Variants in AFDN observed in about 807,000 individuals in gnomAD.
AFDN encodes afadin, adherens junction formation factor.
AFDN carries 68 observed loss-of-function variants against 216.6 expected under a neutral mutation model. The observed-to-expected ratio is 0.31, with a 90% CI of 0.26 to 0.38. AFDN has a LOEUF of 0.38. AFDN is among the 10% of genes least tolerant of loss of function. AFDN has a pLI of 1.00. For synonymous variants in AFDN, 868 were observed against 853.7 expected (o/e 1.02, Z -0.29); for missense variants, 2,136 against 2,342.0 (o/e 0.91, Z 1.82).
At chr6:167,903,020 AC>A (rs1789187033) in intron 12 of AFDN, among the ~76,000 whole-genome samples, 1 of 152,142 alleles carries the variant, frequency 6.6e-6, no homozygotes, top group Admixed American at 6.5e-5. Context: ...CAGTCAGAGT[AC>A]CCTTAATACA....
chr6:167,903,773 CTA>C (rs1287358672), intron 12 of AFDN, among the ~76,000 whole-genome samples: 4 of 152,204 alleles, frequency 2.6e-5, no homozygotes, highest in Admixed American at 2.6e-4. Context: ...CTTCCAAACT[CTA>C]TGTTCTTTCC....
intron 23 of AFDN, 123 bp downstream of exon 23, chr6:167,925,214 T>C (rs1792357507): frequency 1.4e-6 from 1 of 695,084 alleles, no homozygotes; most frequent in Admixed American, 2.3e-5. Flanking sequence ...TTCAGTTCTG[T>C]TTCTGCGTAG....
intron 12 of AFDN, among the ~76,000 whole-genome samples, chr6:167,906,670 T>C (rs1789729925): frequency 1.3e-5 from 2 of 152,190 alleles, no homozygotes. Context: ...TAATATGTGT[T>C]TTCCCCGGTG....
chr6:167,917,267 G>A, intron 20 of AFDN, 35 bp downstream of exon 20: 4 of 1,456,812 alleles, frequency 2.7e-6, no homozygotes, highest in Non-Finnish European at 3.6e-6. Flanking sequence ...ACACAGTGCG[G>A]GACATGTTTG....
intron 1 of AFDN, among the ~76,000 whole-genome samples, chr6:167,859,806 A>G (rs1783337127): frequency 6.8e-6 from 1 of 147,874 alleles, no homozygotes; most frequent in African/African-American, 2.5e-5. Flanking sequence ...GTTTTGGATC[A>G]TTGTATTCTT....
At position 167,966,007 on chromosome 6, in the gene AFDN, A is replaced by G; in HGVS notation, c.5219A>G (p.Tyr1740Cys). The G allele has an allele frequency of 6.5e-7, 1 of 1,550,232 alleles. No individual in the cohort carries two copies. The highest frequency in any genetic ancestry group is 8.7e-7 in the Non-Finnish European group (1 of 1,146,984). ...CTGTTCACTGCCAAGTTTGTTGCAT[A>G]CAATGAGGAGGAGGAGGAGGAGGAC... ...DSLFTAKFVA[Y>C]NEEEEEEDCS... The change falls in exon 32 of 34, where the codon TAC (tyrosine) becomes TGC (cysteine). Residue 1740 changes from tyrosine (Y) to cysteine (C), a missense_variant. Physicochemically the swap from Tyr to Cys is radical, Grantham distance 194. Transcript: ENST00000683244.
chr6:167,917,256 C>T, intron 20 of AFDN, 24 bp downstream of exon 20: 1 of 1,566,220 alleles, frequency 6.4e-7, no homozygotes. Context: ...GCCACATTAC[C>T]ACACAGTGCG....
At chr6:167,949,454 CAGAAA>C (rs1171143110) in intron 29 of AFDN, among the ~76,000 whole-genome samples, 3 of 152,134 alleles carry the variant, frequency 2.0e-5, no homozygotes, top group Non-Finnish European at 2.9e-5. Context: ...TTTCTGACGG[CAGAAA>C]ATGCTCCTCA....
Position 167,827,226 on chromosome 6 carries a change from C to A in AFDN, c.94C>A (p.Gln32Lys). ...ANRLDLFEIS[Q>K]PTEDLEFHGV... ...CCGGCTGGACCTGTTCGAGATCAGCCAGCCGACCGAGGTGAGCACCGCCGG... is the reference window on the plus strand; with the variant it reads ...CCGGCTGGACCTGTTCGAGATCAGCAAGCCGACCGAGGTGAGCACCGCCGG... The change falls in exon 1 of 34, where the codon CAG becomes AAG. Residue 32 changes from glutamine (Q) to lysine (K), a missense_variant. Transcript: ENST00000683244. 8.2e-7 allele frequency: 1 copy of A among 1,217,754 alleles called. No homozygotes were observed. Among genetic ancestry groups the A allele is most frequent in the Admixed American group, 2.8e-5 (1 of 35,612 alleles). 75.4% of individuals were successfully genotyped at this position (1,217,754 alleles called of 1,614,324 possible). A position where few individuals can be genotyped will look rare whatever the true frequency, so the allele number is the denominator to read the frequency against.
At chr6:167,925,192 A>G (rs1792353364) in intron 23 of AFDN, 101 bp downstream of exon 23, 2 of 808,450 alleles carry the variant, frequency 2.5e-6, no homozygotes. Context: ...CCACCTGTGT[A>G]TAACGTGCCT....
At chr6:167,966,139 C>A in intron 32 of AFDN, 94 bp downstream of exon 32, 1 of 1,535,272 alleles carries the variant, frequency 6.5e-7, no homozygotes. Context: ...CCACGCCCGG[C>A]CTCCGATGGC....
intron 11 of AFDN, among the ~76,000 whole-genome samples, chr6:167,901,851 GGGAGGCT>G (rs1168712575): frequency 1.3e-5 from 2 of 152,012 alleles, no homozygotes; most frequent in Non-Finnish European, 2.9e-5. Context: ...CCAGCACTTT[GGGAGGCT>G]GAGGTGGGCG....
In AFDN at chr6:167,898,267, T is replaced by C; in HGVS notation, c.1380T>C (p.Thr460=). ...TTACCAACATGGATGGAGTGGTCACTGTGACGCCCAGAAGTATGGACGCAG... is the reference window on the plus strand; with the variant it reads ...TTACCAACATGGATGGAGTGGTCACCGTGACGCCCAGAAGTATGGACGCAG... ...CDLTNMDGVV[T]VTPRSMDAET... is the part of the protein sequence containing the mutation. The change falls in exon 11 of 34, where the codon ACT becomes ACC. Residue 460 remains threonine (T), a synonymous_variant. Coordinates refer to ENST00000683244, the MANE Select transcript of AFDN (RefSeq NM_001386888.1). The C allele has an allele frequency of 6.2e-7, 1 of 1,614,152 alleles. No homozygotes were observed. The highest frequency in any genetic ancestry group is 8.5e-7 in the Non-Finnish European group (1 of 1,180,004).
intron 1 of AFDN, among the ~76,000 whole-genome samples, chr6:167,845,645 G>A (rs1465691922): frequency 6.6e-6 from 1 of 152,086 alleles, no homozygotes; most frequent in Non-Finnish European, 1.5e-5. Flanking sequence ...CAAAGTGCTG[G>A]GATTACAGGC....
At chr6:167,899,593 G>C (rs1788691711) in intron 11 of AFDN, among the ~76,000 whole-genome samples, 1 of 152,134 alleles carries the variant, frequency 6.6e-6, no homozygotes. Flanking sequence ...TTCATGCTTA[G>C]ATGTTCATTT....
intron 8 of AFDN, among the ~76,000 whole-genome samples, chr6:167,892,696 G>T (rs942128142): frequency 6.6e-6 from 1 of 152,168 alleles, no homozygotes; most frequent in South Asian, 2.1e-4. Flanking sequence ...GGCCTTGGAG[G>T]TAGAGCACCA....
chr6:167,962,503 C>T lies in AFDN; in HGVS notation c.4904C>T (p.Ala1635Val), dbSNP rs557554294. 19 of 1,613,624 alleles carry T rather than the reference C, an allele frequency of 1.2e-5. No individual in the cohort carries two copies. The highest frequency in any genetic ancestry group is 1.7e-4 in the Middle Eastern group (1 of 6,058). Reference sequence around the variant, plus strand: ...CGCAAGCGGGAAGCGGAAGACCGAGCGAGGCAAGAGGAAGAGCGCCGGCGG... The same window carrying T: ...CGCAAGCGGGAAGCGGAAGACCGAGTGAGGCAAGAGGAAGAGCGCCGGCGG... ...EMRKREAEDRARQEEERRRQE... is the reference protein window; with the variant it reads ...EMRKREAEDRVRQEEERRRQE... Residue 1635 changes from alanine to valine, a missense_variant, in exon 31 of 34, where the codon GCG (alanine) becomes GTG (valine). By Grantham distance (64) the Ala-to-Val change is moderately conservative. Around this residue, in one of 8 missense-constraint regions of AFDN, gnomAD observed 981 missense variants for 966.0 expected, o/e 1.02. Transcript: ENST00000683244. This position sits in a 1 kb window ranked among gnomAD's most constrained non-coding sequence, Gnocchi z 5.2.
In AFDN at chr6:167,834,457, G is replaced by T. The variant is rs868215064; in HGVS notation, c.105+7220G>T. On this transcript the variant is annotated intron_variant, in intron 1 of 33. Coordinates refer to ENST00000683244, the MANE Select transcript of AFDN (RefSeq NM_001386888.1). ...GATTTTTGTTGTTGTTGTTGTTTCGGTTTTTTTTTTTTTTTTTTTTTTCGA... is the reference window on the plus strand; with the variant it reads ...GATTTTTGTTGTTGTTGTTGTTTCGTTTTTTTTTTTTTTTTTTTTTTTCGA... 2.4e-4 allele frequency among the ~76,000 whole-genome samples: 18 copies of T among 75,248 alleles called. 1 individual carries two copies. Among genetic ancestry groups the T allele is most frequent in the African/African-American group, 4.2e-4 (8 of 19,122 alleles). 49.4% of individuals were successfully genotyped at this position (75,248 alleles called of 152,430 possible).
At position 167,918,743 on chromosome 6, in the gene AFDN, A is replaced by C. The variant is rs1791423765; in HGVS notation, c.2718A>C (p.Ile906=). ...GTTTGTTTTCCAAACAGGATCTTAT[A>C]GAAAATGTAGTGACTGTGGCTGAAA... ...PDEPFIPTDL[I]ENVVTVAENT... Residue 906 remains isoleucine (I), a synonymous_variant, in exon 21 of 34, where the codon ATA becomes ATC. Coordinates refer to ENST00000683244, the MANE Select transcript of AFDN (RefSeq NM_001386888.1). 6.2e-7 allele frequency: 1 copy of C among 1,614,042 alleles called. No individual in the cohort carries two copies. The highest frequency in any genetic ancestry group is 8.5e-7 in the Non-Finnish European group (1 of 1,180,028).
Sources: gnomAD v4.1 joint callset for allele counts (sites outside exome capture counted in the v4.1 genomes callset) on GRCh38, gnomAD v4.1.1 for gene constraint, gnomAD v4.1.1 regional missense constraint, Gnocchi (gnomAD v3.1) non-coding constraint, MANE v1.5 for transcripts, NCBI Gene and HGNC (gene_info 2026-07-23, HGNC 2026-07-21) for gene names.